Variants in OSBPL6 observed in about 807,000 individuals in gnomAD.
OSBPL6 encodes oxysterol-binding protein-related protein 6.
A neutral mutation model predicts 125.8 loss-of-function variants in OSBPL6; 49 were observed. The observed-to-expected ratio is 0.39, with a 90% confidence interval of 0.31 to 0.49. The LOEUF (loss-of-function observed/expected upper bound fraction) is 0.49, where lower values mean the gene tolerates loss of function less well. Ranked by LOEUF, OSBPL6 falls within the 20% of genes least tolerant of loss-of-function variation. OSBPL6 has a pLI of 0.88. For synonymous variants in OSBPL6, 394 were observed against 391.8 expected (o/e 1.01, Z -0.07); for missense variants, 986 against 1,135.4 (o/e 0.87, Z 1.89).
At chr2:178,296,785 G>GC (rs1233959965) in intron 2 of OSBPL6, among the ~76,000 whole-genome samples, 2 of 152,144 alleles carry the variant, frequency 1.3e-5, no homozygotes, top group Non-Finnish European at 2.9e-5. Flanking sequence ...CTGGGACCTG[G>GC]CAGTGGATTC....
rs537850048 is a variant in OSBPL6 at position 178,260,377 on chromosome 2, A to ATATGTG, written c.-350-24532_-350-24527dup. Among the ~76,000 whole-genome samples, 363 of 151,954 alleles carry ATATGTG rather than the reference A, an allele frequency of 2.4e-3. 1 individual carries two copies. The highest frequency in any genetic ancestry group is 0.01 in the Middle Eastern group (3 of 292). ...CCAAGCTATATGTATATGTATATGT[A>ATATGTG]TATGTGTATGTGTATGTGTATGTAT... On this transcript the variant is annotated intron_variant, in intron 1 of 24. Transcript: ENST00000190611.
At chr2:178,239,592 T>TTTTTTTTATTTA (rs375630982) in intron 1 of OSBPL6, among the ~76,000 whole-genome samples, 24 of 138,712 alleles carry the variant, frequency 1.7e-4, no homozygotes, top group Admixed American at 5.8e-4. Context: ...ATGAACTTTA[T>TTTTTTTTATTTA]TTTATTTATT....
chr2:178,301,179 G>C (rs1268642091), intron 2 of OSBPL6, among the ~76,000 whole-genome samples: 1 of 151,734 alleles, frequency 6.6e-6, no homozygotes, highest in Non-Finnish European at 1.5e-5. Context: ...AAGCAGAAAG[G>C]GAAGAGATGA....
intron 12 of OSBPL6, among the ~76,000 whole-genome samples, chr2:178,359,066 C>A (rs1692084854): frequency 6.6e-6 from 1 of 152,118 alleles, no homozygotes; most frequent in South Asian, 2.1e-4. Context: ...GTCCTAGCTA[C>A]TCGAGAGGCT....
intron 11 of OSBPL6, among the ~76,000 whole-genome samples, chr2:178,344,850 C>T (rs1690555942): frequency 6.6e-6 from 1 of 152,000 alleles, no homozygotes. Flanking sequence ...GCTGTCATCT[C>T]TAAATGGCTA....
chr2:178,299,047 A>G (rs1461267189), intron 2 of OSBPL6, among the ~76,000 whole-genome samples: 2 of 152,226 alleles, frequency 1.3e-5, no homozygotes, highest in African/African-American at 4.8e-5. Flanking sequence ...GACAATTGGT[A>G]TCTGTTAGCA....
chr2:178,237,296 A>T (rs916330154), intron 1 of OSBPL6, among the ~76,000 whole-genome samples: 6 of 152,124 alleles, frequency 3.9e-5, no homozygotes, highest in African/African-American at 1.4e-4. Flanking sequence ...CTTGCTGCTT[A>T]CTTTTCTAGT....
chr2:178,359,778 A>G (rs1692155229), intron 12 of OSBPL6, among the ~76,000 whole-genome samples: 1 of 152,240 alleles, frequency 6.6e-6, no homozygotes, highest in Non-Finnish European at 1.5e-5. Context: ...CCTGAAGGAC[A>G]TTATGCTAAG....
intron 1 of OSBPL6, among the ~76,000 whole-genome samples, chr2:178,214,906 T>C (rs1321550249): frequency 6.6e-6 from 1 of 152,038 alleles, no homozygotes; most frequent in African/African-American, 2.4e-5. Context: ...TGAGCTGTGA[T>C]CATACCACTG....
chr2:178,309,745 G>A (rs942685147), intron 3 of OSBPL6, among the ~76,000 whole-genome samples: 2 of 152,188 alleles, frequency 1.3e-5, no homozygotes, highest in Admixed American at 6.5e-5. Context: ...CTCTTTGTGT[G>A]TGTGATCAAC....
rs180759662 is a variant in OSBPL6 at position 178,308,658 on chromosome 2, A to G, written c.102+2372A>G. ...CTGTGTCTTAAATCAATATGTATAAACCAATTTGCTATCAGGATAACCATT... is the reference window on the plus strand; with the variant it reads ...CTGTGTCTTAAATCAATATGTATAAGCCAATTTGCTATCAGGATAACCATT... On this transcript the variant is annotated intron_variant, in intron 3 of 24. Coordinates refer to ENST00000190611, the MANE Select transcript of OSBPL6 (RefSeq NM_032523.4). Among the ~76,000 whole-genome samples the G allele has an allele frequency of 3.0e-4, 46 of 152,304 alleles. 1 individual carries two copies. The East Asian group carries it at 8.3e-3, about 27-fold the overall frequency.
intron 1 of OSBPL6, among the ~76,000 whole-genome samples, chr2:178,280,782 C>A (rs996405678): frequency 7.9e-5 from 12 of 152,080 alleles, no homozygotes; most frequent in Admixed American, 3.9e-4. Context: ...CTATTCATAT[C>A]CTTTGCCCAA....
At chr2:178,318,355 C>G in intron 3 of OSBPL6, among the ~76,000 whole-genome samples, 1 of 152,046 alleles carries the variant, frequency 6.6e-6, no homozygotes, top group Non-Finnish European at 1.5e-5. Context: ...GCTGTGTAGA[C>G]TTTTTTCAGC....
intron 12 of OSBPL6, among the ~76,000 whole-genome samples, 156 bp from the exon 13 acceptor site, chr2:178,361,526 A>T (rs1692356143): frequency 6.6e-6 from 1 of 152,224 alleles, no homozygotes; most frequent in Non-Finnish European, 1.5e-5. Flanking sequence ...AGATATCCTG[A>T]TAAAGATTCC....
intron 1 of OSBPL6, among the ~76,000 whole-genome samples, chr2:178,220,535 G>T (rs1471922420): frequency 2.6e-5 from 4 of 152,038 alleles, no homozygotes; most frequent in African/African-American, 9.7e-5. Context: ...TGAACTCCTG[G>T]GCTCAAGCAA....
At chr2:178,363,619 T>G (rs1219771683) in intron 13 of OSBPL6, among the ~76,000 whole-genome samples, 1 of 152,144 alleles carries the variant, frequency 6.6e-6, no homozygotes, top group East Asian at 1.9e-4. Flanking sequence ...GAACCTGGCC[T>G]GAGTAGACAG....
intron 1 of OSBPL6, among the ~76,000 whole-genome samples, chr2:178,277,163 T>C (rs1203438404): frequency 1.3e-5 from 2 of 152,244 alleles, no homozygotes; most frequent in African/African-American, 4.8e-5. Context: ...AGCATGTTTA[T>C]AGTGTTTTAG....
chr2:178,200,692 C>G (rs867128883), intron 1 of OSBPL6, among the ~76,000 whole-genome samples: 3 of 152,034 alleles, frequency 2.0e-5, no homozygotes, highest in Non-Finnish European at 2.9e-5. Context: ...AGGGGTGTTC[C>G]TTGATTTTAA....
intron 1 of OSBPL6, among the ~76,000 whole-genome samples, chr2:178,210,973 C>A (rs941345289): frequency 6.6e-6 from 1 of 151,804 alleles, no homozygotes; most frequent in Non-Finnish European, 1.5e-5. Context: ...ATTTATACTA[C>A]ATGGATAGAG....
Sources: allele counts gnomAD v4.1 joint callset (sites outside exome capture counted in the v4.1 genomes callset), GRCh38; gene constraint gnomAD v4.1.1; transcripts MANE v1.5; gene names NCBI Gene and HGNC (gene_info 2026-07-23, HGNC 2026-07-21).